Variants in JARID2 observed in about 807,000 individuals in gnomAD.
JARID2 encodes jumonji and AT-rich interaction domain containing 2, also known as protein Jumonji.
JARID2 carries 21 observed loss-of-function variants against 125.6 expected under a neutral mutation model. The observed-to-expected ratio is 0.17, with a 90% CI of 0.12 to 0.24. The LOEUF (loss-of-function observed/expected upper bound fraction) is 0.24. Ranked by LOEUF, JARID2 falls within the 10% of genes least tolerant of loss-of-function variation. JARID2 has a pLI of 1.00. For synonymous variants in JARID2, 736 were observed against 661.6 expected (o/e 1.11, Z -1.73); for missense variants, 1,303 against 1,639.6 (o/e 0.79, Z 3.55).
intron 1 of JARID2, among the ~76,000 whole-genome samples, chr6:15,359,785 C>T (rs550374243): frequency 8.6e-5 from 13 of 151,618 alleles, no homozygotes; most frequent in African/African-American, 2.2e-4. Context: ...CTCCTGGGTT[C>T]GAGCAATTCT....
At chr6:15,388,241 C>G (rs994524507) in intron 2 of JARID2, among the ~76,000 whole-genome samples, 2 of 152,108 alleles carry the variant, frequency 1.3e-5, no homozygotes, top group African/African-American at 4.8e-5. Flanking sequence ...GGGCCCTTTA[C>G]TTAGCTTTTG....
intron 2 of JARID2, chr6:15,401,090 G>C (rs933888377): frequency 1.6e-4 from 201 of 1,288,622 alleles, no homozygotes; most frequent in Non-Finnish European, 1.9e-4. Context: ...TTTTGTTGGA[G>C]AAATAGGCCT....
At chr6:15,439,089 G>T (rs1767340519) in intron 3 of JARID2, among the ~76,000 whole-genome samples, 1 of 151,816 alleles carries the variant, frequency 6.6e-6, no homozygotes, top group Non-Finnish European at 1.5e-5. Flanking sequence ...AGTGGAACAG[G>T]GGAGAATGAG....
intron 2 of JARID2, among the ~76,000 whole-genome samples, chr6:15,392,504 G>T (rs959240114): frequency 6.6e-6 from 1 of 152,098 alleles, no homozygotes; most frequent in African/African-American, 2.4e-5. Context: ...GGACGACAGA[G>T]GGATGAGGGA....
At chr6:15,297,677 C>G (rs1011772783) in intron 1 of JARID2, among the ~76,000 whole-genome samples, 1 of 152,086 alleles carries the variant, frequency 6.6e-6, no homozygotes, top group Non-Finnish European at 1.5e-5. Flanking sequence ...GGCCCCTACT[C>G]AGTGGGGTTG....
At chr6:15,293,055 T>C (rs1027244886) in intron 1 of JARID2, among the ~76,000 whole-genome samples, 1 of 152,238 alleles carries the variant, frequency 6.6e-6, no homozygotes, top group African/African-American at 2.4e-5. Flanking sequence ...TAAAAAGTTT[T>C]ACAGGGCACC....
At chr6:15,300,820 G>A (rs567660116) in intron 1 of JARID2, among the ~76,000 whole-genome samples, 6 of 151,608 alleles carry the variant, frequency 4.0e-5, no homozygotes. Context: ...GGTGTTACAG[G>A]ATGCAGTAAC....
intron 2 of JARID2, among the ~76,000 whole-genome samples, chr6:15,400,431 A>G (rs910818831): frequency 6.6e-6 from 1 of 151,894 alleles, no homozygotes; most frequent in Non-Finnish European, 1.5e-5. Flanking sequence ...TATGATATTA[A>G]AAAGGGATGC....
At chr6:15,305,117 G>A (rs1761773285) in intron 1 of JARID2, among the ~76,000 whole-genome samples, 1 of 152,126 alleles carries the variant, frequency 6.6e-6, no homozygotes, top group South Asian at 2.1e-4. Context: ...TTTCCAGCTG[G>A]TAAATGAGCC....
intron 3 of JARID2, among the ~76,000 whole-genome samples, chr6:15,424,955 A>G (rs899023609): frequency 4.6e-5 from 7 of 152,170 alleles, no homozygotes; most frequent in African/African-American, 1.4e-4. Flanking sequence ...CATTCCTTAC[A>G]TATGTTAGCC....
chr6:15,446,499 C>T (rs936094146), intron 3 of JARID2, among the ~76,000 whole-genome samples: 1 of 152,230 alleles, frequency 6.6e-6, no homozygotes, highest in Non-Finnish European at 1.5e-5. Flanking sequence ...AGCCGCCAGG[C>T]ATGGCAAGAG....
At chr6:15,392,833 C>G (rs1406884314) in intron 2 of JARID2, among the ~76,000 whole-genome samples, 1 of 151,900 alleles carries the variant, frequency 6.6e-6, no homozygotes, top group Non-Finnish European at 1.5e-5. Flanking sequence ...TACAGGCGCC[C>G]ACCATCATGA....
chr6:15,361,070 G>A (rs1763774524), intron 1 of JARID2, among the ~76,000 whole-genome samples: 1 of 152,160 alleles, frequency 6.6e-6, no homozygotes, highest in Non-Finnish European at 1.5e-5. Flanking sequence ...GTCTGTAACA[G>A]GTAACAGCAC....
intron 3 of JARID2, among the ~76,000 whole-genome samples, chr6:15,425,961 G>T (rs774695498): frequency 6.6e-6 from 1 of 152,168 alleles, no homozygotes; most frequent in Non-Finnish European, 1.5e-5. Flanking sequence ...GGGTAAGTCA[G>T]TCCTCTTTGA....
chr6:15,474,535 T>C (rs939555531), intron 5 of JARID2, among the ~76,000 whole-genome samples: 2 of 152,016 alleles, frequency 1.3e-5, no homozygotes, highest in Non-Finnish European at 2.9e-5. Flanking sequence ...TCTCTGATTC[T>C]TAATTTCTAC....
At chr6:15,449,081 C>T (rs1283740753) in intron 3 of JARID2, among the ~76,000 whole-genome samples, 1 of 152,004 alleles carries the variant, frequency 6.6e-6, no homozygotes, top group Non-Finnish European at 1.5e-5. Context: ...GTCGGAATAT[C>T]CCCGTCACCC....
intron 1 of JARID2, among the ~76,000 whole-genome samples, chr6:15,288,423 A>G (rs1483052172): frequency 6.6e-6 from 1 of 152,200 alleles, no homozygotes. Context: ...TATGACCCAG[A>G]CACTTCCTGC....
rs905702780 is a variant in JARID2, at chr6:15,410,304, G to A, written c.262G>A (p.Val88Met). The part of the protein sequence containing the change: ...SENEKDDASQ[V>M]SSTSNDVSSS... ...GAATGAAAAGGACGATGCATCCCAA[G>A]TGTCCTCCACTAGCAACGATGTTAG... Residue 88 changes from valine (V) to methionine (M), a missense_variant, in exon 3 of 18, where the codon GTG becomes ATG. Physicochemically the swap from Val to Met is conservative, Grantham distance 21. Transcript: ENST00000341776. 6.8e-6 allele frequency: 11 copies of A among 1,614,144 alleles called. No individual in the cohort carries two copies. The highest frequency in any genetic ancestry group is 9.3e-6 in the Non-Finnish European group (11 of 1,179,980).
At chr6:15,441,912 C>G (rs1440655863) in intron 3 of JARID2, among the ~76,000 whole-genome samples, 1 of 152,158 alleles carries the variant, frequency 6.6e-6, no homozygotes, top group Admixed American at 6.5e-5. Context: ...CTGCCTCAGC[C>G]TCCTGAGTAT....
Sources: gnomAD v4.1 joint callset for allele counts (sites outside exome capture counted in the v4.1 genomes callset) on GRCh38, gnomAD v4.1.1 for gene constraint, MANE v1.5 for transcripts, NCBI Gene and HGNC (gene_info 2026-07-23, HGNC 2026-07-21) for gene names.